NOL7: variants seen among roughly 807,000 people sequenced by gnomAD.
The protein encoded by NOL7 is U3 small nucleolar RNA-associated protein NOL7.
A neutral mutation model predicts 38.4 loss-of-function variants in NOL7; 36 were observed. That is an observed-to-expected ratio of 0.94 (90% CI 0.72 to 1.24). The LOEUF (loss-of-function observed/expected upper bound fraction) is 1.24, where lower values mean the gene tolerates loss of function less well. Among genes scored for constraint, NOL7 ranks in the 50% most tolerant of loss-of-function variants. NOL7 has a pLI of 0.00. For synonymous variants in NOL7, 142 were observed against 126.5 expected (o/e 1.12, Z -0.82); for missense variants, 350 against 315.1 (o/e 1.11, Z -0.84).
intron 3 of NOL7, 70 bp from the exon 4 acceptor site, chr6:13,617,700 G>T (rs1764327575): frequency 1.4e-6 from 2 of 1,453,618 alleles, no homozygotes; most frequent in African/African-American, 1.4e-5. Flanking sequence ...AAAGGCAAAT[G>T]AAATAATATA....
Position 13,621,094 on chromosome 6 carries a change from T to G in NOL7, c.*267T>G. 2 of 207,386 alleles carry G rather than the reference T, an allele frequency of 9.6e-6. No individual in the cohort carries two copies. Among genetic ancestry groups the G allele is most frequent in the Non-Finnish European group, 1.9e-5 (2 of 103,128 alleles). 12.8% of individuals were successfully genotyped at this position (207,386 alleles called of 1,614,324 possible). ...AGCACCTCTTCTACTCTCCCCGGGT[T>G]AGAGGGGTGGCAAAAATGGCACGGA... On this transcript the variant is annotated 3_prime_UTR_variant, in exon 8 of 8. Coordinates refer to ENST00000451315, the MANE Select transcript of NOL7 (RefSeq NM_016167.5).
chr6:13,618,390 G>A (rs959029141), intron 5 of NOL7, among the ~76,000 whole-genome samples: 4 of 151,600 alleles, frequency 2.6e-5, no homozygotes, highest in Non-Finnish European at 4.4e-5. Flanking sequence ...TGGGACTACA[G>A]GCGCCCGCCA....
chr6:13,627,720 G>A (rs1046718698), intron 8 of NOL7, among the ~76,000 whole-genome samples: 4 of 151,564 alleles, frequency 2.6e-5, no homozygotes, highest in African/African-American at 4.9e-5. Flanking sequence ...TCTGATGAGG[G>A]TACCATACCC....
In NOL7 at chr6:13,617,750, G is replaced by C. The variant is rs6937316; in HGVS notation, c.387-20G>C. On this transcript the variant is annotated intron_variant, in intron 3 of 7. Transcript: ENST00000451315. ...ATCTTTACTGCCATTGCAGTCAGTGGTTTTGTTTTTTTTCCTTAGCATCAA... is the reference window on the plus strand; with the variant it reads ...ATCTTTACTGCCATTGCAGTCAGTGCTTTTGTTTTTTTTCCTTAGCATCAA... 4 of 1,612,562 alleles carry C rather than the reference G, an allele frequency of 2.5e-6. No individual in the cohort carries two copies. The East Asian group carries it at 8.9e-5, about 36-fold the overall frequency.
downstream of NOL7, among the ~76,000 whole-genome samples, chr6:13,625,447 C>G (rs1304430352): frequency 6.6e-6 from 1 of 152,090 alleles, no homozygotes; most frequent in Admixed American, 6.5e-5. Context: ...CAAGTTGTAC[C>G]CCATCTTACT....
At position 13,621,433 on chromosome 6, in the gene NOL7, C is replaced by CTAA. The variant is rs1304173807; in HGVS notation, c.*608_*610dup. On this transcript the variant is annotated 3_prime_UTR_variant, in exon 8 of 8. Coordinates refer to ENST00000451315, the MANE Select transcript of NOL7 (RefSeq NM_016167.5). ...GTAGAAACCATTAATTTTAATTGCT[C>CTAA]TAATTTTCATAGTAATCATAAAAAG... 6.6e-6 allele frequency: 1 copy of CTAA among 152,502 alleles called. No homozygotes were observed. Among genetic ancestry groups the CTAA allele is most frequent in the African/African-American group, 2.4e-5 (1 of 41,386 alleles). 9.4% of individuals were successfully genotyped at this position (152,502 alleles called of 1,614,324 possible).
chr6:13,622,457 G>C (rs1467933688), downstream of NOL7: 1 of 1,595,636 alleles, frequency 6.3e-7, no homozygotes, highest in African/African-American at 1.3e-5. Context: ...CCCATTGCTA[G>C]GGCAAGTGGA....
Position 13,616,445 on chromosome 6 carries a change from A to G in NOL7, c.328-18A>G, listed in dbSNP as rs375695034. The G allele has an allele frequency of 6.3e-7, 1 of 1,581,946 alleles. No homozygotes were observed. The highest frequency in any genetic ancestry group is 1.4e-5 in the African/African-American group (1 of 73,560). On this transcript the variant is annotated intron_variant, in intron 2 of 7. Coordinates refer to ENST00000451315, the MANE Select transcript of NOL7 (RefSeq NM_016167.5). ...GTACATGACTTTCTATTAATTTTAAACGTTTTCATTCCAAAAGAAAAGAAA... is the reference window on the plus strand; with the variant it reads ...GTACATGACTTTCTATTAATTTTAAGCGTTTTCATTCCAAAAGAAAAGAAA...
intron 3 of NOL7, 40 bp downstream of exon 3, chr6:13,616,561 C>G (rs370194934): frequency 7.4e-7 from 1 of 1,350,878 alleles, no homozygotes; most frequent in Non-Finnish European, 1.0e-6. Flanking sequence ...CTTATATACA[C>G]CCATCTTTGA....
downstream of NOL7, among the ~76,000 whole-genome samples, chr6:13,625,960 AT>A (rs1764590997): frequency 6.6e-6 from 1 of 152,114 alleles, no homozygotes; most frequent in South Asian, 2.1e-4. Flanking sequence ...ATTTATTTTC[AT>A]TTTTCCTGTG....
rs1764328843 is a variant in NOL7 at position 13,617,754 on chromosome 6, T to C, written c.387-16T>C. The C allele has an allele frequency of 3.7e-6, 6 of 1,612,366 alleles. No homozygotes were observed. The highest frequency in any genetic ancestry group is 5.1e-6 in the Non-Finnish European group (6 of 1,178,618). ...TTACTGCCATTGCAGTCAGTGGTTT[T>C]GTTTTTTTTCCTTAGCATCAAGAAA... On this transcript the variant is annotated splice_polypyrimidine_tract_variant and intron_variant, in intron 3 of 7. Coordinates refer to ENST00000451315, the MANE Select transcript of NOL7 (RefSeq NM_016167.5).
downstream of NOL7, among the ~76,000 whole-genome samples, chr6:13,624,698 G>T (rs1382800658): frequency 6.6e-6 from 1 of 152,144 alleles, no homozygotes; most frequent in Non-Finnish European, 1.5e-5. Flanking sequence ...CATAGGAATG[G>T]CAACCAAACG....
downstream of NOL7, chr6:13,622,095 A>C: frequency 4.5e-6 from 1 of 223,020 alleles, no homozygotes; most frequent in Non-Finnish European, 8.5e-6. Flanking sequence ...ATTGTTTTAA[A>C]GGATTTGTGA....
chr6:13,620,647 TATA>T (rs1249294994), intron 7 of NOL7, 104 bp from the exon 8 acceptor site: 27 of 970,168 alleles, frequency 2.8e-5, no homozygotes, highest in Non-Finnish European at 3.4e-5. Flanking sequence ...ACATCTAAAG[TATA>T]ATAAGCCCAC....
chr6:13,623,889 A>G (rs1764528713), downstream of NOL7, among the ~76,000 whole-genome samples: 1 of 152,226 alleles, frequency 6.6e-6, no homozygotes, highest in African/African-American at 2.4e-5. Flanking sequence ...GGTGCTCAAC[A>G]ATTAAATTCC....
intron 8 of NOL7, among the ~76,000 whole-genome samples, chr6:13,628,809 T>C (rs925571025): frequency 2.0e-5 from 3 of 152,194 alleles, no homozygotes; most frequent in Admixed American, 6.5e-5. Context: ...TACTAACATA[T>C]GTTAAACCCG....
intron 1 of NOL7, 30 bp downstream of exon 1, chr6:13,615,654 C>T: frequency 4.3e-6 from 7 of 1,612,772 alleles, no homozygotes; most frequent in East Asian, 2.2e-5. Flanking sequence ...GCGGGGAGAA[C>T]CGCCCTTTCT....
At chr6:13,627,430 G>A (rs999890475) in intron 8 of NOL7, among the ~76,000 whole-genome samples, 10 of 151,976 alleles carry the variant, frequency 6.6e-5, no homozygotes, top group Non-Finnish European at 1.3e-4. Flanking sequence ...AGGAGTTCAA[G>A]ACCAACCTAG....
intron 7 of NOL7, 79 bp from the exon 8 acceptor site, chr6:13,620,675 T>C (rs576092031): frequency 3.0e-5 from 31 of 1,025,120 alleles, no homozygotes; most frequent in Middle Eastern, 5.9e-4. Context: ...TTTTAGTAAT[T>C]ACATTCATAT....
Sources: gnomAD v4.1 joint callset for allele counts (sites outside exome capture counted in the v4.1 genomes callset) on GRCh38, gnomAD v4.1.1 for gene constraint, MANE v1.5 for transcripts, NCBI Gene and HGNC (gene_info 2026-07-23, HGNC 2026-07-21) for gene names.